ITGBL1: variants seen among roughly 807,000 people sequenced by gnomAD.
The protein encoded by ITGBL1 is integrin beta-like protein 1.
A neutral mutation model predicts 68.5 loss-of-function variants in ITGBL1; 51 were observed. That is an observed-to-expected ratio of 0.74 (90% CI 0.59 to 0.94). The LOEUF is 0.94. Among genes scored for constraint, ITGBL1 ranks in the 40% least tolerant of loss-of-function variants. The pLI, the probability that ITGBL1 is intolerant of heterozygous loss-of-function variation, is 0.00. For missense variants in ITGBL1, 649 were observed against 647.4 expected (o/e 1.00, Z -0.03); for synonymous variants, 209 against 227.3 (o/e 0.92, Z 0.72).
intron 6 of ITGBL1, among the ~76,000 whole-genome samples, chr13:101,597,894 G>A (rs1194791436): frequency 6.6e-6 from 1 of 151,952 alleles, no homozygotes; most frequent in African/African-American, 2.4e-5. Flanking sequence ...ACAATCACAT[G>A]CACCTGGAAT....
At chr13:101,456,468 G>T (rs922394376) in intron 2 of ITGBL1, among the ~76,000 whole-genome samples, 2 of 152,182 alleles carry the variant, frequency 1.3e-5, no homozygotes, top group African/African-American at 4.8e-5. Flanking sequence ...AAATATAGCA[G>T]GTTTCCTATG....
intron 3 of ITGBL1, among the ~76,000 whole-genome samples, chr13:101,571,074 C>T (rs1021611592): frequency 1.3e-5 from 2 of 152,058 alleles, no homozygotes; most frequent in Non-Finnish European, 2.9e-5. Context: ...CATGAATTTA[C>T]ACCAGTGCAT....
At chr13:101,510,478 C>T (rs1179461422) in intron 2 of ITGBL1, among the ~76,000 whole-genome samples, 3 of 151,816 alleles carry the variant, frequency 2.0e-5, no homozygotes, top group African/African-American at 4.8e-5. Context: ...CATCTGAATG[C>T]AATATAATGA....
At chr13:101,517,876 G>T (rs2049221271) in intron 2 of ITGBL1, among the ~76,000 whole-genome samples, 1 of 152,188 alleles carries the variant, frequency 6.6e-6, no homozygotes, top group Non-Finnish European at 1.5e-5. Context: ...CAGCCTTGCT[G>T]AAATGTGCAC....
intron 2 of ITGBL1, among the ~76,000 whole-genome samples, chr13:101,474,512 G>GCT (rs1198224915): frequency 3.9e-4 from 59 of 152,270 alleles, no homozygotes; most frequent in African/African-American, 1.3e-3. Context: ...CCTGAAGGGA[G>GCT]GAACACAATC....
At chr13:101,457,137 T>C (rs1594819742) in intron 2 of ITGBL1, among the ~76,000 whole-genome samples, 2 of 152,324 alleles carry the variant, frequency 1.3e-5, no homozygotes, top group Non-Finnish European at 2.9e-5. Context: ...GCTCAGTACA[T>C]ATTAAAATGT....
chr13:101,571,128 A>G (rs1448545117), intron 3 of ITGBL1, among the ~76,000 whole-genome samples: 1 of 152,130 alleles, frequency 6.6e-6, no homozygotes, highest in African/African-American at 2.4e-5. Flanking sequence ...TGTTTTCTCC[A>G]TTCCATATTT....
At position 101,497,495 on chromosome 13, in the gene ITGBL1, CT is replaced by C. The variant is rs2048873553; in HGVS notation, c.316+43396del. 3.3e-5 allele frequency among the ~76,000 whole-genome samples: 5 copies of C among 152,328 alleles called. 1 individual carries two copies. In the South Asian group the frequency reaches 1.0e-3, roughly 32 times the overall value. On this transcript the variant is annotated intron_variant, in intron 2 of 10. Transcript: ENST00000376180. ...TATGTAATTGCAATGTCAATTTTTCCTGTTTCGTTGGACCAGGACATGTAAA... is the reference window on the plus strand; with the variant it reads ...TATGTAATTGCAATGTCAATTTTTCCGTTTCGTTGGACCAGGACATGTAAA...
At chr13:101,529,659 C>T (rs1594868794) in intron 2 of ITGBL1, among the ~76,000 whole-genome samples, 2 of 152,098 alleles carry the variant, frequency 1.3e-5, no homozygotes, top group Admixed American at 6.6e-5. Flanking sequence ...GATTGGATCA[C>T]GGGGGTGGTT....
At chr13:101,692,544 G>A (rs1437088111) in intron 7 of ITGBL1, 41 bp from the exon 8 acceptor site, 1 of 1,347,696 alleles carries the variant, frequency 7.4e-7, no homozygotes, top group Admixed American at 1.7e-5. Context: ...AGTGATTCCG[G>A]GACTCTCCTC....
At chr13:101,464,622 A>G (rs2048359164) in intron 2 of ITGBL1, among the ~76,000 whole-genome samples, 2 of 151,994 alleles carry the variant, frequency 1.3e-5, no homozygotes, top group Admixed American at 1.3e-4. Flanking sequence ...TTACCCATTT[A>G]TATTTGGTAT....
intron 8 of ITGBL1, among the ~76,000 whole-genome samples, chr13:101,697,392 T>C (rs780768657): frequency 3.9e-4 from 59 of 152,160 alleles, no homozygotes; most frequent in Non-Finnish European, 7.2e-4. Flanking sequence ...TAAATCTTCT[T>C]TGGGTATTTT....
intron 6 of ITGBL1, among the ~76,000 whole-genome samples, chr13:101,597,464 G>T (rs2030045081): frequency 2.1e-5 from 3 of 145,986 alleles, no homozygotes; most frequent in Admixed American, 2.1e-4. Flanking sequence ...AATACAGTTA[G>T]TCCTTCCCTG....
At chr13:101,664,940 G>C (rs1395494687) in intron 7 of ITGBL1, among the ~76,000 whole-genome samples, 1 of 152,154 alleles carries the variant, frequency 6.6e-6, no homozygotes, top group African/African-American at 2.4e-5. Flanking sequence ...CGCCATATTG[G>C]TCAGGCTGAT....
At chr13:101,674,910 TTC>T (rs1206540114) in intron 7 of ITGBL1, among the ~76,000 whole-genome samples, 2 of 152,124 alleles carry the variant, frequency 1.3e-5, no homozygotes, top group Non-Finnish European at 2.9e-5. Flanking sequence ...ACTTCAGTGT[TTC>T]TCTTTCTCTT....
chr13:101,616,861 G>A (rs1408738492), intron 7 of ITGBL1, among the ~76,000 whole-genome samples: 1 of 152,178 alleles, frequency 6.6e-6, no homozygotes, highest in African/African-American at 2.4e-5. Flanking sequence ...TGTAATGAGG[G>A]AGTTGGGGAA....
At chr13:101,588,671 G>T (rs2050599593) in intron 6 of ITGBL1, among the ~76,000 whole-genome samples, 1 of 141,190 alleles carries the variant, frequency 7.1e-6, no homozygotes, top group Non-Finnish European at 1.5e-5. Flanking sequence ...CTTCTTTTAT[G>T]ACCTTTTCAC....
intron 7 of ITGBL1, among the ~76,000 whole-genome samples, chr13:101,655,445 T>G (rs148353307): frequency 2.5e-3 from 385 of 152,344 alleles, no homozygotes; most frequent in Non-Finnish European, 3.8e-3. Context: ...TTGTAGTTAT[T>G]TTCCTATTTC....
chr13:101,620,955 G>A (rs536747316), intron 7 of ITGBL1, among the ~76,000 whole-genome samples: 54 of 152,194 alleles, frequency 3.5e-4, no homozygotes, highest in Non-Finnish European at 5.7e-4. Flanking sequence ...TTTCTGTGTC[G>A]TGACTGTCAT....
Sources: allele counts gnomAD v4.1 joint callset (sites outside exome capture counted in the v4.1 genomes callset), GRCh38; gene constraint gnomAD v4.1.1; transcripts MANE v1.5; gene names NCBI Gene and HGNC (gene_info 2026-07-23, HGNC 2026-07-21).